Variants in MIOS observed in about 807,000 individuals in gnomAD.
MIOS encodes the protein GATOR2 complex protein MIOS.
MIOS carries 52 observed loss-of-function variants against 96.9 expected under a neutral mutation model. The observed-to-expected ratio is 0.54, with a 90% confidence interval of 0.43 to 0.68. MIOS has a LOEUF of 0.68. MIOS is among the 30% of genes least tolerant of loss of function. The pLI is 0.00. For missense variants in MIOS, 1,005 were observed against 1,052.8 expected (o/e 0.95, Z 0.63); for synonymous variants, 397 against 359.5 (o/e 1.10, Z -1.18).
In MIOS at chr7:7,568,087, A is replaced by G. The variant is rs963964716; in HGVS notation, c.-77A>G. 2 of 152,248 alleles carry G rather than the reference A, an allele frequency of 1.3e-5. No homozygotes were observed. Among genetic ancestry groups the G allele is most frequent in the Non-Finnish European group, 2.9e-5 (2 of 68,046 alleles). The allele number at this position is 152,248 out of a possible 1,614,324, so 9.4% of individuals were successfully genotyped here. ...CAGCATGGCTTTCCTTTGCTGAGAA[A>G]TCACTGATGGGAAGTGAGACTTGTT... On this transcript the variant is annotated 5_prime_UTR_variant, in exon 3 of 13. Coordinates refer to ENST00000340080, the MANE Select transcript of MIOS (RefSeq NM_019005.4).
chr7:7,571,723 A>G (rs1783361490), intron 3 of MIOS, among the ~76,000 whole-genome samples: 1 of 152,228 alleles, frequency 6.6e-6, no homozygotes, highest in South Asian at 2.1e-4. Context: ...GCATATAACT[A>G]ATATACGGCA....
At position 7,583,285 on chromosome 7, in the gene MIOS, T is replaced by C. The variant is rs1209845601; in HGVS notation, c.1561T>C (p.Trp521Arg). The stretch of plus-strand genomic sequence containing the variant: ...GAACTCCCTTGTACAAGAAGGGGAA[T>C]GGGAAAGAGCTGCTGCTGTGGCATT... ...FLNSLVQEGE[W>R]ERAAAVALFN... Residue 521 changes from tryptophan (W) to arginine (R), a missense_variant, in exon 6 of 13, where the codon TGG (tryptophan) becomes CGG (arginine). Coordinates refer to ENST00000340080, the MANE Select transcript of MIOS (RefSeq NM_019005.4). The C allele has an allele frequency of 3.1e-6, 5 of 1,614,108 alleles. No individual in the cohort carries two copies. Among genetic ancestry groups the C allele is most frequent in the Non-Finnish European group, 4.2e-6 (5 of 1,179,988 alleles).
intron 5 of MIOS, among the ~76,000 whole-genome samples, chr7:7,580,577 A>G (rs1355121051): frequency 6.6e-6 from 1 of 152,184 alleles, no homozygotes; most frequent in African/African-American, 2.4e-5. Context: ...AATATGTACT[A>G]ACATGCATAA....
chr7:7,585,414 C>A (rs1226206226), intron 6 of MIOS, among the ~76,000 whole-genome samples: 1 of 145,016 alleles, frequency 6.9e-6, no homozygotes, highest in South Asian at 2.3e-4. Context: ...CCAAACCCCC[C>A]CCTTTTTTTT....
At chr7:7,568,828 T>G (rs1013608140) in intron 3 of MIOS, among the ~76,000 whole-genome samples, 1 of 152,236 alleles carries the variant, frequency 6.6e-6, no homozygotes, top group African/African-American at 2.4e-5. Flanking sequence ...TTCTCTCAAG[T>G]TTTGATTCTG....
At position 7,605,790 on chromosome 7, in the gene MIOS, G is replaced by A. The variant is rs554769750; in HGVS notation, c.2402-152G>A. On this transcript the variant is annotated intron_variant, in intron 11 of 12. Transcript: ENST00000340080. ...AGGGGAGCTTCTGTCATTCAGTTTC[G>A]CTTCATCTAAACTAGAACCTACCAT... 79 of 634,208 alleles carry A rather than the reference G, an allele frequency of 1.2e-4. 1 individual carries two copies. Among genetic ancestry groups the A allele is most frequent in the African/African-American group, 3.0e-4 (16 of 53,342 alleles). The allele number at this position is 634,208 out of a possible 1,614,324, so 39.3% of individuals were successfully genotyped here.
chr7:7,589,976 A>G (rs1784001689), intron 9 of MIOS, among the ~76,000 whole-genome samples: 1 of 152,068 alleles, frequency 6.6e-6, no homozygotes, highest in African/African-American at 2.4e-5. Flanking sequence ...TTTTATTATC[A>G]TTGGGGGTAT....
At chr7:7,568,802 G>A (rs978825257) in intron 3 of MIOS, among the ~76,000 whole-genome samples, 1 of 152,212 alleles carries the variant, frequency 6.6e-6, no homozygotes, top group African/African-American at 2.4e-5. Flanking sequence ...GAAATTAGAA[G>A]ATTTAGCTAG....
Position 7,585,095 on chromosome 7 carries a change from T to G in MIOS, c.1649-541T>G, listed in dbSNP as rs117530274. Among the ~76,000 whole-genome samples, 450 of 152,332 alleles carry G rather than the reference T, an allele frequency of 3.0e-3. 6 individuals are homozygous for G. The highest frequency in any genetic ancestry group is 0.01 in the Admixed American group (154 of 15,308). On this transcript the variant is annotated intron_variant, in intron 6 of 12. Coordinates refer to ENST00000340080, the MANE Select transcript of MIOS (RefSeq NM_019005.4). Reference sequence around the variant, plus strand: ...TAGGAATAGGAAAATAAAATGATTTTGAATATTGCAGTCTTGAGATGCAAT... The same window carrying G: ...TAGGAATAGGAAAATAAAATGATTTGGAATATTGCAGTCTTGAGATGCAAT...
At chr7:7,575,464 G>T (rs554429264) in intron 5 of MIOS, among the ~76,000 whole-genome samples, 1 of 152,036 alleles carries the variant, frequency 6.6e-6, no homozygotes. Context: ...AATAAGTTTA[G>T]TTAGAAGCTG....
Position 7,585,714 on chromosome 7 carries a change from G to A in MIOS, c.1727G>A (p.Cys576Tyr). The change falls in exon 7 of 13, where the codon TGT becomes TAT. Residue 576 changes from cysteine (C) to tyrosine (Y), a missense_variant. By Grantham distance (194) the Cys-to-Tyr change is radical. Around this residue, in one of 3 missense-constraint regions of MIOS, gnomAD observed 865 missense variants for 887.9 expected, o/e 0.97. Coordinates refer to ENST00000340080, the MANE Select transcript of MIOS (RefSeq NM_019005.4). ...DEKNSLWREMCSTLRLQLNNP... is the reference protein window; with the variant it reads ...DEKNSLWREMYSTLRLQLNNP... ...AAGAACTCCCTTTGGAGAGAAATGT[G>A]TAGCACACTGCGATTACAGCTAAAT... 6.2e-7 allele frequency: 1 copy of A among 1,612,856 alleles called. No individual in the cohort carries two copies. Among genetic ancestry groups the A allele is most frequent in the Non-Finnish European group, 8.5e-7 (1 of 1,179,392 alleles).
At chr7:7,580,689 T>G (rs974282151) in intron 5 of MIOS, among the ~76,000 whole-genome samples, 2 of 112,740 alleles carry the variant, frequency 1.8e-5, no homozygotes, top group African/African-American at 6.5e-5. Flanking sequence ...TATGTACTAT[T>G]TTACCTTTTT....
intron 9 of MIOS, 23 bp downstream of exon 9, chr7:7,589,586 T>A: frequency 6.4e-7 from 1 of 1,570,394 alleles, no homozygotes; most frequent in Non-Finnish European, 8.6e-7. Flanking sequence ...TGACAGCAGC[T>A]TTTAAAAAAG....
Position 7,596,525 on chromosome 7 carries a change from G to A in MIOS, c.2401+64G>A. The A allele has an allele frequency of 2.7e-6, 4 of 1,468,280 alleles. No individual in the cohort carries two copies. In the South Asian group the frequency reaches 3.4e-5, roughly 13 times the overall value. The allele number at this position is 1,468,280 out of a possible 1,614,324, so 91.0% of individuals were successfully genotyped here. A position where few individuals can be genotyped will look rare whatever the true frequency, so the allele number is the denominator to read the frequency against. On this transcript the variant is annotated intron_variant, in intron 11 of 12. Coordinates refer to ENST00000340080, the MANE Select transcript of MIOS (RefSeq NM_019005.4). ...ATGATTCTTACATAATTGAGTTAAT[G>A]TTGCAAATAAAATACAAACTAGCTA...
chr7:7,595,867 T>C (rs574608003), intron 10 of MIOS, among the ~76,000 whole-genome samples: 45 of 152,338 alleles, frequency 3.0e-4, no homozygotes, highest in African/African-American at 1.0e-3. Context: ...CTCTTTGTCT[T>C]AGGAACAGCG....
intron 7 of MIOS, among the ~76,000 whole-genome samples, chr7:7,587,913 G>A (rs1198091112): frequency 1.3e-5 from 2 of 151,968 alleles, no homozygotes; most frequent in South Asian, 2.1e-4. Context: ...TGATATTGAC[G>A]AGTTTACAAA....
At chr7:7,606,489 A>G (rs1784534731) in intron 12 of MIOS, among the ~76,000 whole-genome samples, 1 of 152,184 alleles carries the variant, frequency 6.6e-6, no homozygotes, top group Admixed American at 6.5e-5. Flanking sequence ...TAAGACTGTC[A>G]AGACATATTT....
At chr7:7,577,896 G>C (rs1437586182) in intron 5 of MIOS, among the ~76,000 whole-genome samples, 2 of 152,118 alleles carry the variant, frequency 1.3e-5, no homozygotes, top group African/African-American at 4.8e-5. Context: ...GGACAGTAGG[G>C]CAAGATAATT....
chr7:7,606,986 A>AT lies in MIOS; in HGVS notation c.2532-3dup, dbSNP rs771573687. On this transcript the variant is annotated splice_polypyrimidine_tract_variant and intron_variant, in intron 12 of 12. Coordinates refer to ENST00000340080, the MANE Select transcript of MIOS (RefSeq NM_019005.4). ...TGGATTTTTAACTGTTATTTGACCTATTTTTTTAGGGACCATGCAGAGTGC... is the reference window on the plus strand; with the variant it reads ...TGGATTTTTAACTGTTATTTGACCTATTTTTTTTAGGGACCATGCAGAGTGC... 14 of 1,597,650 alleles carry AT rather than the reference A, an allele frequency of 8.8e-6. No individual in the cohort carries two copies. Among genetic ancestry groups the AT allele is most frequent in the Middle Eastern group, 3.3e-4 (2 of 6,034 alleles).
Sources: gnomAD v4.1 joint callset for allele counts (sites outside exome capture counted in the v4.1 genomes callset) on GRCh38, gnomAD v4.1.1 for gene constraint, gnomAD v4.1.1 regional missense constraint, MANE v1.5 for transcripts, NCBI Gene and HGNC (gene_info 2026-07-23, HGNC 2026-07-21) for gene names.